The following CDKAL1 variants were observed in gnomAD, a reference collection of about 807,000 sequenced individuals.
The protein encoded by CDKAL1 is threonylcarbamoyladenosine tRNA methylthiotransferase.
A neutral mutation model predicts 68.2 loss-of-function variants in CDKAL1; 32 were observed. That is an observed-to-expected ratio of 0.47 (90% CI 0.35 to 0.63). CDKAL1 has a LOEUF of 0.63. Among genes scored for constraint, CDKAL1 ranks in the 30% least tolerant of loss-of-function variants. CDKAL1 has a pLI of 0.00. For missense variants in CDKAL1, 606 were observed against 696.7 expected, an observed-to-expected ratio of 0.87 and a Z score of 1.47; for synonymous variants, 234 against 244.3, an observed-to-expected ratio of 0.96 and a Z score of 0.39.
rs144387222 is a variant in CDKAL1 at position 20,980,775 on chromosome 6, A to G, written c.910-19452A>G. Among the ~76,000 whole-genome samples, 12 of 152,276 alleles carry G rather than the reference A, an allele frequency of 7.9e-5. No homozygotes were observed. The East Asian group carries it at 2.3e-3, about 29-fold the overall frequency. ...GAGAGAGGGAGGTGTGAGAGGATAC[A>G]CAACATCAAGCCTTCACCACAGACA... is the stretch of plus-strand genomic sequence containing the variant. On this transcript the variant is annotated intron_variant, in intron 10 of 15. Transcript: ENST00000274695.
At chr6:20,545,940 C>G (rs1469085313) in intron 2 of CDKAL1, among the ~76,000 whole-genome samples, 5 of 152,166 alleles carry the variant, frequency 3.3e-5, no homozygotes, top group Non-Finnish European at 2.9e-5. Context: ...ATTCTGATTT[C>G]CCTAGTTATA....
chr6:20,800,099 GCAC>G (rs1776304562), intron 8 of CDKAL1, among the ~76,000 whole-genome samples: 2 of 152,336 alleles, frequency 1.3e-5, no homozygotes, highest in East Asian at 3.9e-4. Context: ...ATATCTCAGA[GCAC>G]CCAGCCCTGC....
intron 11 of CDKAL1, 115 bp from the exon 12 acceptor site, chr6:21,064,932 GT>G (rs2150932446): frequency 1.6e-6 from 1 of 631,828 alleles, no homozygotes; most frequent in East Asian, 3.3e-5. Context: ...ATTTGCACGT[GT>G]GCTTTTTATA....
chr6:20,899,838 G>A (rs571619628), intron 9 of CDKAL1, among the ~76,000 whole-genome samples: 15 of 152,180 alleles, frequency 9.9e-5, no homozygotes, highest in Admixed American at 2.6e-4. Context: ...GCGAAACTCC[G>A]TCTCAAAAAA....
In CDKAL1 at chr6:20,665,772, A is replaced by G. The variant is rs186348508; in HGVS notation, c.371+16395A>G. On this transcript the variant is annotated intron_variant, in intron 5 of 15. Coordinates refer to ENST00000274695, the MANE Select transcript of CDKAL1 (RefSeq NM_017774.3). ...AAACAATTTTATTCCAGGAGCTACTATATGTAAAATGGAGATAGGTTCTAA... is the reference window on the plus strand; with the variant it reads ...AAACAATTTTATTCCAGGAGCTACTGTATGTAAAATGGAGATAGGTTCTAA... 1.3e-3 allele frequency among the ~76,000 whole-genome samples: 205 copies of G among 152,146 alleles called. 2 individuals are homozygous for G. In the South Asian group the frequency reaches 0.021, roughly 16 times the overall value.
chr6:20,617,713 C>T (rs1766984507), intron 4 of CDKAL1, among the ~76,000 whole-genome samples: 1 of 152,102 alleles, frequency 6.6e-6, no homozygotes, highest in South Asian at 2.1e-4. Flanking sequence ...TGATGGTTTC[C>T]AGATTCATCT....
At chr6:20,962,012 A>C (rs1765081857) in intron 10 of CDKAL1, among the ~76,000 whole-genome samples, 1 of 152,210 alleles carries the variant, frequency 6.6e-6, no homozygotes, top group African/African-American at 2.4e-5. Context: ...CGTGTCTCAA[A>C]ATTGTATGAG....
intron 9 of CDKAL1, among the ~76,000 whole-genome samples, chr6:20,862,666 C>T (rs906176346): frequency 2.8e-4 from 41 of 144,520 alleles, no homozygotes; most frequent in African/African-American, 8.1e-4. Context: ...TGTGTGTGCG[C>T]GCGTGCATGC....
intron 13 of CDKAL1, among the ~76,000 whole-genome samples, chr6:21,176,690 TTTTTTG>T (rs1219109274): frequency 3.9e-4 from 53 of 135,890 alleles, no homozygotes; most frequent in African/African-American, 1.4e-3. Flanking sequence ...TGGTTTTTTT[TTTTTTG>T]TTTTTTTTTT....
intron 9 of CDKAL1, among the ~76,000 whole-genome samples, chr6:20,890,528 A>C (rs900635463): frequency 6.6e-6 from 1 of 152,242 alleles, no homozygotes; most frequent in African/African-American, 2.4e-5. Context: ...ACTGATGGCT[A>C]TTGTAATTTT....
chr6:20,999,583 C>T (rs1195554071), intron 10 of CDKAL1, among the ~76,000 whole-genome samples: 6 of 148,716 alleles, frequency 4.0e-5, no homozygotes, highest in Non-Finnish European at 8.9e-5. Flanking sequence ...TAGTAGGTGC[C>T]CAGTGGTGAA....
chr6:20,631,994 A>C lies in CDKAL1; in HGVS notation c.287-17299A>C, dbSNP rs531702987. Among the ~76,000 whole-genome samples the C allele has an allele frequency of 4.6e-5, 7 of 152,318 alleles. No individual in the cohort carries two copies. In the South Asian group the frequency reaches 1.4e-3, roughly 32 times the overall value. ...ATAATTATACTGTATGTGTTCATTC[A>C]TCACATCTGTTAAATGAAAACATTT... On this transcript the variant is annotated intron_variant, in intron 4 of 15. Coordinates refer to ENST00000274695, the MANE Select transcript of CDKAL1 (RefSeq NM_017774.3).
intron 8 of CDKAL1, among the ~76,000 whole-genome samples, chr6:20,784,412 CTTTTTTTTTTTTTTT>C (rs1175015329): frequency 9.0e-5 from 3 of 33,494 alleles, no homozygotes; most frequent in Non-Finnish European, 1.0e-4. Context: ...TATTTTATTT[CTTTTTTTTTTTTTTT>C]TTTTTTTTTT....
chr6:20,648,880 G>T (rs36045545), intron 4 of CDKAL1, among the ~76,000 whole-genome samples: 35,283 of 152,098 alleles, frequency 0.23, 4,428 homozygotes, highest in African/African-American at 0.3. Context: ...AGACAAGTTA[G>T]GTTTTTAAGA....
intron 12 of CDKAL1, among the ~76,000 whole-genome samples, chr6:21,106,981 G>T (rs1055633449): frequency 8.5e-6 from 1 of 117,392 alleles, no homozygotes. Context: ...TCGCTTTTTC[G>T]CCCAGGCTGG....
chr6:20,668,972 C>G (rs55723666), intron 5 of CDKAL1, among the ~76,000 whole-genome samples: 12,795 of 152,098 alleles, frequency 0.084, 1,714 homozygotes, highest in African/African-American at 0.29. Context: ...CGATATTGCA[C>G]TTGAGATTGA....
At chr6:21,039,203 C>G (rs193031869) in intron 11 of CDKAL1, among the ~76,000 whole-genome samples, 4 of 152,240 alleles carry the variant, frequency 2.6e-5, no homozygotes, top group Admixed American at 1.3e-4. Context: ...CTATTGTGAA[C>G]TGCGCATGTG....
At chr6:21,214,205 T>G (rs1202239197) in intron 15 of CDKAL1, among the ~76,000 whole-genome samples, 1 of 152,124 alleles carries the variant, frequency 6.6e-6, no homozygotes, top group African/African-American at 2.4e-5. Flanking sequence ...GTTACAGAGT[T>G]TCTGCTTGGG....
intron 6 of CDKAL1, among the ~76,000 whole-genome samples, chr6:20,741,610 C>T (rs939875505): frequency 6.6e-6 from 1 of 152,002 alleles, no homozygotes; most frequent in Admixed American, 6.6e-5. Context: ...ATAATGGCCT[C>T]CAGCTCCATC....
Sources: allele counts gnomAD v4.1 joint callset (sites outside exome capture counted in the v4.1 genomes callset), GRCh38; gene constraint gnomAD v4.1.1; transcripts MANE v1.5; gene names NCBI Gene and HGNC (gene_info 2026-07-23, HGNC 2026-07-21).